Variants in TMEM272 observed in about 807,000 individuals in gnomAD.
TMEM272 encodes the protein long intergenic non-protein coding RNA 282.
TMEM272 carries 8 observed loss-of-function variants against 3.7 expected under a neutral mutation model. That is an observed-to-expected ratio of 2.17 (90% confidence interval 1.27 to 3.91). The LOEUF (loss-of-function observed/expected upper bound fraction) is 3.91. TMEM272 is among the 30% of genes most tolerant of loss of function. The pLI, the probability that TMEM272 is intolerant of heterozygous loss-of-function variation, is 0.00. For synonymous variants in TMEM272, 63 were observed against 39.8 expected (o/e 1.58, Z -2.20); for missense variants, 166 against 91.5 (o/e 1.81, Z -3.32).
chr13:51,891,469 G>A, the TMEM272 span, among the ~76,000 whole-genome samples: 5 of 152,172 alleles, frequency 3.3e-5, no homozygotes, highest in African/African-American at 9.7e-5. Context: ...TTGCTAAGGA[G>A]TTTACATGCA....
At chr13:51,915,071 GA>G in the TMEM272 span, among the ~76,000 whole-genome samples, 1 of 152,174 alleles carries the variant, frequency 6.6e-6, no homozygotes, top group Non-Finnish European at 1.5e-5. Flanking sequence ...AAATATTGAA[GA>G]GCTGGAAAGT....
chr13:51,889,753 C>T, the TMEM272 span, among the ~76,000 whole-genome samples: 3 of 152,070 alleles, frequency 2.0e-5, no homozygotes, highest in South Asian at 2.1e-4. Flanking sequence ...GTGATTCTCC[C>T]GCCTCAGCCA....
chr13:51,888,986 G>C, the TMEM272 span, among the ~76,000 whole-genome samples: 5 of 152,080 alleles, frequency 3.3e-5, no homozygotes, highest in South Asian at 1.0e-3. Context: ...AGCCTCTCTG[G>C]TGATGTGTAT....
chr13:51,904,233 T>A, the TMEM272 span, among the ~76,000 whole-genome samples: 1 of 152,142 alleles, frequency 6.6e-6, no homozygotes, highest in African/African-American at 2.4e-5. Flanking sequence ...GATGATGATG[T>A]TAATGAGCCC....
the TMEM272 span, among the ~76,000 whole-genome samples, chr13:51,858,649 C>T: frequency 6.6e-6 from 1 of 152,140 alleles, no homozygotes; most frequent in Non-Finnish European, 1.5e-5. Flanking sequence ...AGCTAAAAAC[C>T]GGGTTCTTTG....
the TMEM272 span, among the ~76,000 whole-genome samples, chr13:51,863,592 G>A: frequency 6.6e-6 from 1 of 151,834 alleles, no homozygotes; most frequent in Admixed American, 6.6e-5. Context: ...CCCTGGTTCT[G>A]GTTTGTGTGA....
the TMEM272 span, among the ~76,000 whole-genome samples, chr13:51,876,002 C>T: frequency 6.6e-6 from 1 of 152,246 alleles, no homozygotes; most frequent in African/African-American, 2.4e-5. Flanking sequence ...CTCTGGTCTG[C>T]TAGGTTTCCT....
the TMEM272 span, among the ~76,000 whole-genome samples, chr13:51,905,205 GGA>G: frequency 6.6e-6 from 1 of 152,192 alleles, no homozygotes; most frequent in African/African-American, 2.4e-5. Flanking sequence ...GTTCGTGCAG[GGA>G]GAGAGACTGT....
chr13:51,921,214 C>G, the TMEM272 span: 2 of 152,364 alleles, frequency 1.3e-5, no homozygotes, highest in African/African-American at 4.8e-5. Context: ...ATGGGGCAAG[C>G]CCTGGGTTTT....
chr13:51,849,592 A>C (rs1325878392), upstream of TMEM272, among the ~76,000 whole-genome samples: 3 of 152,226 alleles, frequency 2.0e-5, no homozygotes, highest in Non-Finnish European at 4.4e-5. Flanking sequence ...GCAGTTGTCC[A>C]ACATGCTCCA....
the TMEM272 span, among the ~76,000 whole-genome samples, chr13:51,926,691 G>C: frequency 6.6e-6 from 1 of 152,038 alleles, no homozygotes; most frequent in Admixed American, 6.5e-5. Flanking sequence ...ACGCACAGTG[G>C]GTGGGGACAG....
intron 1 of TMEM272, among the ~76,000 whole-genome samples, chr13:51,844,580 G>C (rs965460898): frequency 1.3e-5 from 2 of 152,010 alleles, no homozygotes; most frequent in African/African-American, 4.8e-5. Context: ...ACCTCCCTAG[G>C]ATGCCTTCAT....
the TMEM272 span, among the ~76,000 whole-genome samples, chr13:51,912,569 C>T: frequency 1.3e-5 from 2 of 152,222 alleles, no homozygotes; most frequent in Non-Finnish European, 2.9e-5. Flanking sequence ...ACTAAACTTC[C>T]TCCCTAATTA....
the TMEM272 span, among the ~76,000 whole-genome samples, chr13:51,896,573 C>A: frequency 6.6e-6 from 1 of 152,166 alleles, no homozygotes; most frequent in Non-Finnish European, 1.5e-5. Context: ...CCCATGCACC[C>A]AGCCGGATGC....
At chr13:51,820,728 C>T (rs749809230) in intron 4 of TMEM272, among the ~76,000 whole-genome samples, 18 of 152,164 alleles carry the variant, frequency 1.2e-4, no homozygotes, top group Admixed American at 1.1e-3. Context: ...GCACTCAAAC[C>T]GTTAGAGCCT....
At chr13:51,925,132 T>G in the TMEM272 span, among the ~76,000 whole-genome samples, 1 of 152,224 alleles carries the variant, frequency 6.6e-6, no homozygotes, top group African/African-American at 2.4e-5. Flanking sequence ...CGCCACTGTT[T>G]AGCTCTTTCT....
chr13:51,911,382 C>A, the TMEM272 span, among the ~76,000 whole-genome samples: 425 of 152,308 alleles, frequency 2.8e-3, 2 homozygotes, highest in Non-Finnish European at 4.5e-3. Flanking sequence ...CCCAGAAGAT[C>A]CAGGGCACTT....
the TMEM272 span, among the ~76,000 whole-genome samples, chr13:51,928,537 T>C: frequency 6.6e-6 from 1 of 152,284 alleles, no homozygotes; most frequent in East Asian, 1.9e-4. Flanking sequence ...GCATGACACA[T>C]TCACTGCCTG....
the TMEM272 span, among the ~76,000 whole-genome samples, chr13:51,905,348 G>A: frequency 0.17 from 25,754 of 152,184 alleles, 2,365 homozygotes; most frequent in Middle Eastern, 0.26. Context: ...CCTCGGACAC[G>A]GCAGGTCCCA....
Sources: allele counts gnomAD v4.1 joint callset (sites outside exome capture counted in the v4.1 genomes callset), GRCh38; gene constraint gnomAD v4.1.1; transcripts MANE v1.5; gene names NCBI Gene and HGNC (gene_info 2026-07-23, HGNC 2026-07-21).